Variants in ZBTB7C observed in about 807,000 individuals in gnomAD.
ZBTB7C encodes the protein zinc finger and BTB domain-containing protein 7C.
In ZBTB7C, 8 loss-of-function variants were observed where a neutral mutation model predicts 25.7. That is an observed-to-expected ratio of 0.31 (90% CI 0.18 to 0.56). The LOEUF (loss-of-function observed/expected upper bound fraction) is 0.56. Among genes scored for constraint, ZBTB7C ranks in the 20% least tolerant of loss-of-function variants. The pLI, the probability that ZBTB7C is intolerant of heterozygous loss-of-function variation, is 0.91. For missense variants in ZBTB7C, 824 were observed against 855.2 expected (o/e 0.96, Z 0.46); for synonymous variants, 394 against 369.0 (o/e 1.07, Z -0.78).
At chr18:48,131,051 G>A (rs901349612) in intron 3 of ZBTB7C, among the ~76,000 whole-genome samples, 7 of 152,052 alleles carry the variant, frequency 4.6e-5, no homozygotes, top group African/African-American at 1.7e-4. Context: ...TTACAGGTGC[G>A]TGCCACCACG....
intron 2 of ZBTB7C, among the ~76,000 whole-genome samples, chr18:48,295,802 C>A (rs1325611224): frequency 1.3e-5 from 2 of 152,130 alleles, no homozygotes; most frequent in Non-Finnish European, 1.5e-5. Context: ...TTGGCTTCTC[C>A]TCCTCCCTCA....
chr18:48,283,802 A>T (rs1057227690), intron 2 of ZBTB7C, among the ~76,000 whole-genome samples: 1 of 152,136 alleles, frequency 6.6e-6, no homozygotes, highest in Non-Finnish European at 1.5e-5. Context: ...GACTCAGCTG[A>T]GCATGCTCTG....
At chr18:48,395,557 T>C (rs949124769) in intron 1 of ZBTB7C, among the ~76,000 whole-genome samples, 3 of 151,948 alleles carry the variant, frequency 2.0e-5, no homozygotes, top group African/African-American at 7.3e-5. Context: ...ATGCGAATGC[T>C]TTACCACCCT....
rs571946747 is a variant in ZBTB7C at position 48,380,123 on chromosome 18, C to CA, written c.-304+29102dup. Among the ~76,000 whole-genome samples, 81 of 151,740 alleles carry CA rather than the reference C, an allele frequency of 5.3e-4. 1 individual carries two copies. The highest frequency in any genetic ancestry group is 4.6e-3 in the South Asian group (22 of 4,806). On this transcript the variant is annotated intron_variant, in intron 1 of 4. Coordinates refer to ENST00000590800, the MANE Select transcript of ZBTB7C (RefSeq NM_001318841.2). ...GCCCAGGATGGAATGTATAATTTGACAAAAAAAATCTAAATGTATTAGAAA... is the reference window on the plus strand; with the variant it reads ...GCCCAGGATGGAATGTATAATTTGACAAAAAAAAATCTAAATGTATTAGAAA...
At chr18:48,218,519 C>T (rs2042878185) in intron 2 of ZBTB7C, among the ~76,000 whole-genome samples, 1 of 152,220 alleles carries the variant, frequency 6.6e-6, no homozygotes, top group African/African-American at 2.4e-5. Context: ...CTGGTCCAGC[C>T]CTCTCTCTAC....
chr18:48,039,357 TTG>T (rs1308176362), intron 4 of ZBTB7C, among the ~76,000 whole-genome samples: 2 of 152,178 alleles, frequency 1.3e-5, no homozygotes, highest in Non-Finnish European at 2.9e-5. Flanking sequence ...GCACACATGC[TTG>T]GTCAGCTAGC....
chr18:48,092,805 C>T (rs1484574305), intron 3 of ZBTB7C, among the ~76,000 whole-genome samples: 2 of 152,202 alleles, frequency 1.3e-5, no homozygotes, highest in Non-Finnish European at 2.9e-5. Context: ...GTTATTCATG[C>T]AGCTTTGGTT....
chr18:48,411,602 G>A (rs1599069636), upstream of ZBTB7C, among the ~76,000 whole-genome samples: 1 of 152,228 alleles, frequency 6.6e-6, no homozygotes, highest in Admixed American at 6.5e-5. Context: ...GCATGCGGAT[G>A]CATTTAGAGA....
rs528389944 is a variant in ZBTB7C at position 48,112,796 on chromosome 18, C to T, written c.-16-71673G>A. On this transcript the variant is annotated intron_variant, in intron 3 of 4. Transcript: ENST00000590800. ...AGAACAGGTGAAGAAAATACTAAGACTACCTAACAGAGGATTGAGGATCGC... is the reference window on the plus strand; with the variant it reads ...AGAACAGGTGAAGAAAATACTAAGATTACCTAACAGAGGATTGAGGATCGC... Among the ~76,000 whole-genome samples the T allele has an allele frequency of 3.9e-5, 6 of 152,318 alleles. No homozygotes were observed. In the East Asian group the frequency reaches 9.6e-4, roughly 24 times the overall value.
chr18:48,032,136 C>G (rs148605252), intron 4 of ZBTB7C, among the ~76,000 whole-genome samples: 1,693 of 152,100 alleles, frequency 0.011, 28 homozygotes, highest in African/African-American at 0.039. Context: ...TTTTTTGAGA[C>G]AGAGTCTCAC....
At chr18:48,227,741 T>C (rs1021904935) in intron 2 of ZBTB7C, among the ~76,000 whole-genome samples, 2 of 152,212 alleles carry the variant, frequency 1.3e-5, no homozygotes, top group Non-Finnish European at 2.9e-5. Context: ...GACTAGTCTT[T>C]GCCTTCTAGC....
intron 2 of ZBTB7C, among the ~76,000 whole-genome samples, chr18:48,302,612 G>A (rs1344588784): frequency 3.3e-5 from 5 of 152,166 alleles, no homozygotes; most frequent in South Asian, 2.1e-4. Flanking sequence ...AAGTCAGGCC[G>A]GATCGACGTC....
upstream of ZBTB7C, among the ~76,000 whole-genome samples, chr18:48,410,928 G>C (rs778478000): frequency 1.8e-4 from 28 of 152,242 alleles, no homozygotes; most frequent in Non-Finnish European, 3.4e-4. Flanking sequence ...ATTAATAAAA[G>C]GGCAGTGGGG....
At position 48,338,945 on chromosome 18, in the gene ZBTB7C, A is replaced by G. The variant is rs2046526850; in HGVS notation, c.-303-547T>C. On this transcript the variant is annotated intron_variant, in intron 1 of 4. Transcript: ENST00000590800. ...GGGGTCCAGGTAGGACACCCCACCT[A>G]TGGCTGATGATGAACATCTTTTCAT... is the stretch of plus-strand genomic sequence containing the variant. Among the ~76,000 whole-genome samples the G allele has an allele frequency of 2.0e-5, 3 of 149,756 alleles. No homozygotes were observed. In the South Asian group the frequency reaches 6.4e-4, roughly 32 times the overall value.
intron 2 of ZBTB7C, among the ~76,000 whole-genome samples, chr18:48,237,747 T>G (rs1234094545): frequency 2.0e-5 from 3 of 152,142 alleles, no homozygotes; most frequent in Non-Finnish European, 2.9e-5. Flanking sequence ...ATATACTCTA[T>G]CAACATGTGT....
intron 3 of ZBTB7C, among the ~76,000 whole-genome samples, chr18:48,057,002 A>G (rs1224432971): frequency 6.8e-6 from 1 of 146,182 alleles, no homozygotes; most frequent in Non-Finnish European, 1.5e-5. Context: ...GAGAGAGACC[A>G]TGTGTCACCA....
Position 48,027,353 on chromosome 18 carries a change from CAT to C in ZBTB7C, c.*1905_*1906del, listed in dbSNP as rs771839323. On this transcript the variant is annotated 3_prime_UTR_variant, in exon 5 of 5. Transcript: ENST00000590800. ...CAACACCACTGGATTCCAATTTATTCATGTTTCCTTTTTTTTTTTTTTTCCTC... is the reference window on the plus strand; with the variant it reads ...CAACACCACTGGATTCCAATTTATTCGTTTCCTTTTTTTTTTTTTTTCCTC... 4.7e-5 allele frequency: 7 copies of C among 148,656 alleles called. No homozygotes were observed. The highest frequency in any genetic ancestry group is 1.0e-4 in the Non-Finnish European group (7 of 67,524). 9.2% of individuals were successfully genotyped at this position (148,656 alleles called of 1,614,324 possible).
chr18:48,188,121 T>A (rs879620523), intron 2 of ZBTB7C, among the ~76,000 whole-genome samples: 6 of 152,182 alleles, frequency 3.9e-5, no homozygotes, highest in Non-Finnish European at 8.8e-5. Context: ...GTGGCCTGTG[T>A]CATTCACAAG....
intron 2 of ZBTB7C, among the ~76,000 whole-genome samples, chr18:48,275,536 G>C (rs1293784677): frequency 6.6e-6 from 1 of 152,178 alleles, no homozygotes; most frequent in Non-Finnish European, 1.5e-5. Flanking sequence ...GCCCCAGAGA[G>C]CGACTTGCCC....
Sources: gnomAD v4.1 joint callset for allele counts (sites outside exome capture counted in the v4.1 genomes callset) on GRCh38, gnomAD v4.1.1 for gene constraint, MANE v1.5 for transcripts, NCBI Gene and HGNC (gene_info 2026-07-23, HGNC 2026-07-21) for gene names.